WLS: variants seen among roughly 807,000 people sequenced by gnomAD.
WLS encodes Wnt ligand secretion mediator.
Under a neutral mutation model 62.8 loss-of-function variants are expected in WLS, and 23 were observed. That is an observed-to-expected ratio of 0.37 (90% CI 0.26 to 0.52). WLS has a LOEUF of 0.52. Ranked by LOEUF, WLS falls within the 20% of genes least tolerant of loss-of-function variation. The probability of loss-of-function intolerance (pLI) is 0.92; values close to 1 mark genes in which losing one functional copy is unlikely to be tolerated. For missense variants in WLS, 615 were observed against 697.3 expected, an observed-to-expected ratio of 0.88 and a Z score of 1.33; for synonymous variants, 246 against 244.1, an observed-to-expected ratio of 1.01 and a Z score of -0.07.
intron 11 of WLS, among the ~76,000 whole-genome samples, chr1:68,115,661 T>C (rs1465348516): frequency 1.3e-5 from 2 of 152,168 alleles, no homozygotes; most frequent in Admixed American, 1.3e-4. Flanking sequence ...ATTACTCTTG[T>C]TGTTGCTTGG....
intron 11 of WLS, chr1:68,126,973 T>C (rs1246261801): frequency 7.5e-6 from 2 of 265,002 alleles, no homozygotes; most frequent in East Asian, 1.4e-4. Context: ...GGAGGACTGC[T>C]TGTGGCCAGG....
At chr1:68,122,328 T>C (rs959693921), downstream of WLS, among the ~76,000 whole-genome samples, 3 of 152,186 alleles carry the variant, frequency 2.0e-5, no homozygotes, top group East Asian at 3.9e-4. Flanking sequence ...TATGAGATTA[T>C]AGGCTGAACT....
chr1:68,172,309 A>AT (rs1553131589), intron 2 of WLS, among the ~76,000 whole-genome samples: 193 of 101,590 alleles, frequency 1.9e-3, no homozygotes, highest in Middle Eastern at 6.3e-3. Context: ...TTAAAGTATA[A>AT]TTAAAAAAAA....
At chr1:68,221,571 A>C (rs772340694) in intron 1 of WLS, among the ~76,000 whole-genome samples, 4 of 152,238 alleles carry the variant, frequency 2.6e-5, no homozygotes, top group Non-Finnish European at 5.9e-5. Flanking sequence ...GGCAAATTAC[A>C]ACCTAAATAA....
downstream of WLS, among the ~76,000 whole-genome samples, chr1:68,122,911 A>G (rs928230866): frequency 2.0e-5 from 3 of 152,084 alleles, no homozygotes; most frequent in Admixed American, 6.5e-5. Context: ...TCCACTGTCT[A>G]TTTGTTATTT....
intron 10 of WLS, 197 bp from the exon 11 acceptor site, chr1:68,138,130 T>C (rs1049773189): frequency 2.2e-5 from 14 of 642,380 alleles, no homozygotes; most frequent in Non-Finnish European, 3.7e-5. Context: ...TCTAGCTTTC[T>C]GTCAGGCACA....
chr1:68,165,819 C>T (rs11209225), intron 2 of WLS, among the ~76,000 whole-genome samples: 48,732 of 152,092 alleles, frequency 0.32, 8,422 homozygotes, highest in East Asian at 0.43. Context: ...GAGGATGCAA[C>T]GTACTTGGCT....
At chr1:68,210,633 C>G (rs1056551286) in intron 1 of WLS, among the ~76,000 whole-genome samples, 1 of 152,194 alleles carries the variant, frequency 6.6e-6, no homozygotes, top group Non-Finnish European at 1.5e-5. Flanking sequence ...AACAAATTCT[C>G]AGGCCCCCTC....
chr1:68,232,249 A>G lies in WLS; in HGVS notation c.51T>C (p.Val17=), dbSNP rs369509485. 1 of 1,614,046 alleles carries G rather than the reference A, an allele frequency of 6.2e-7. No individual in the cohort carries two copies. The highest frequency in any genetic ancestry group is 8.5e-7 in the Non-Finnish European group (1 of 1,180,040). Residue 17 remains valine, a synonymous_variant, in exon 1 of 12, where the codon GTT becomes GTC. Coordinates refer to ENST00000262348, the MANE Select transcript of WLS (RefSeq NM_024911.7). ...TTTGGAACACGAGCAGAATCCCACC[A>G]ACAATGCACAGCTTCTTGGTGCTCA... The part of the protein sequence containing the change: ...ENMSTKKLCI[V]GGILLVFQII...
At chr1:68,181,021 C>A (rs1196699101) in intron 2 of WLS, among the ~76,000 whole-genome samples, 1 of 152,168 alleles carries the variant, frequency 6.6e-6, no homozygotes. Context: ...ATGGTTTTTT[C>A]CAATGTAGAG....
chr1:68,112,894 C>A (rs1044754310), intron 11 of WLS, among the ~76,000 whole-genome samples: 9 of 152,214 alleles, frequency 5.9e-5, no homozygotes, highest in African/African-American at 2.4e-5. Context: ...AACAAACAGA[C>A]AAACTGTTAA....
intron 1 of WLS, among the ~76,000 whole-genome samples, chr1:68,225,638 G>T (rs1008585713): frequency 6.6e-5 from 10 of 152,154 alleles, no homozygotes; most frequent in African/African-American, 2.4e-4. Context: ...GTTTGTAGGA[G>T]TCTCTGGTTT....
intron 1 of WLS, among the ~76,000 whole-genome samples, chr1:68,213,280 G>A (rs897943414): frequency 4.6e-5 from 7 of 151,824 alleles, no homozygotes; most frequent in Non-Finnish European, 5.9e-5. Context: ...GTGAAACCCC[G>A]TCTCTACTAA....
At chr1:68,148,483 T>C (rs570833056) in intron 7 of WLS, 80 bp downstream of exon 7, 1 of 1,463,200 alleles carries the variant, frequency 6.8e-7, no homozygotes, top group South Asian at 1.2e-5. Flanking sequence ...CATTCTCCTT[T>C]TCAAACACTC....
chr1:68,130,531 T>G (rs1364135814), intron 11 of WLS, among the ~76,000 whole-genome samples: 1 of 152,186 alleles, frequency 6.6e-6, no homozygotes, highest in Non-Finnish European at 1.5e-5. Flanking sequence ...CACACCAACC[T>G]CTCTCCTATT....
intron 1 of WLS, among the ~76,000 whole-genome samples, chr1:68,225,657 C>T (rs1650111988): frequency 6.6e-6 from 1 of 152,154 alleles, no homozygotes; most frequent in African/African-American, 2.4e-5. Context: ...TTAAAAGGCC[C>T]TCGTTATTAT....
chr1:68,110,838 C>T (rs1646219896), intron 11 of WLS, among the ~76,000 whole-genome samples: 1 of 151,704 alleles, frequency 6.6e-6, no homozygotes, highest in South Asian at 2.1e-4. Flanking sequence ...ATTAGTTATC[C>T]ATATAGGAAA....
intron 4 of WLS, 93 bp downstream of exon 4, chr1:68,155,006 T>C (rs1450870503): frequency 7.5e-7 from 1 of 1,329,888 alleles, no homozygotes; most frequent in Admixed American, 2.3e-5. Flanking sequence ...ATTATTCCCA[T>C]TTCTCAGATG....
rs141335175 is a variant in WLS at position 68,229,215 on chromosome 1, T to A, written c.106+2979A>T. On this transcript the variant is annotated intron_variant, in intron 1 of 11. Coordinates refer to ENST00000262348, the MANE Select transcript of WLS (RefSeq NM_024911.7). ...TTGTTATTGTTTGGTGGGGTGGTTG[T>A]TTTTGTGCTGTATATTTGTGTGTGT... Among the ~76,000 whole-genome samples, 107 of 152,270 alleles carry A rather than the reference T, an allele frequency of 7.0e-4. No individual in the cohort carries two copies. In the East Asian group the frequency reaches 0.02, roughly 29 times the overall value.
Sources: allele counts gnomAD v4.1 joint callset (sites outside exome capture counted in the v4.1 genomes callset), GRCh38; gene constraint gnomAD v4.1.1; transcripts MANE v1.5; gene names NCBI Gene and HGNC (gene_info 2026-07-23, HGNC 2026-07-21).